CTNNA2: variants seen among roughly 807,000 people sequenced by gnomAD.
CTNNA2 encodes the protein catenin alpha 2.
A neutral mutation model predicts 101.0 loss-of-function variants in CTNNA2; 42 were observed. The observed-to-expected ratio is 0.42, with a 90% confidence interval of 0.32 to 0.54. The LOEUF (loss-of-function observed/expected upper bound fraction) is 0.54. Among genes scored for constraint, CTNNA2 ranks in the 20% least tolerant of loss-of-function variants. The probability of loss-of-function intolerance (pLI) is 0.14; values close to 1 mark genes in which losing one functional copy is unlikely to be tolerated. For synonymous variants in CTNNA2, 450 were observed against 456.4 expected (o/e 0.99, Z 0.18); for missense variants, 871 against 1,223.1 (o/e 0.71, Z 4.29).
intron 7 of CTNNA2, among the ~76,000 whole-genome samples, chr2:80,339,170 A>G (rs372466289): frequency 6.6e-6 from 1 of 151,950 alleles, no homozygotes; most frequent in Non-Finnish European, 1.5e-5. Flanking sequence ...CACTAATAAT[A>G]TAACGTGTGT....
At chr2:79,414,119 T>C (rs1678450514) in intron 4 of CTNNA2, among the ~76,000 whole-genome samples, 2 of 151,962 alleles carry the variant, frequency 1.3e-5, no homozygotes, top group African/African-American at 4.8e-5. Flanking sequence ...ACAGCCAGTA[T>C]GGTTAAGCAA....
intron 3 of CTNNA2, among the ~76,000 whole-genome samples, chr2:79,841,122 G>A (rs1038662573): frequency 2.0e-5 from 3 of 152,084 alleles, no homozygotes; most frequent in African/African-American, 4.8e-5. Flanking sequence ...TTGGAGACAG[G>A]GTCTTGCTCT....
intron 2 of CTNNA2, among the ~76,000 whole-genome samples, chr2:79,653,932 G>A (rs762295713): frequency 6.6e-6 from 1 of 151,972 alleles, no homozygotes; most frequent in Non-Finnish European, 1.5e-5. Flanking sequence ...CTTTTCTCCG[G>A]TTTCCAATAA....
At chr2:79,897,354 A>C (rs1376509279) in intron 6 of CTNNA2, among the ~76,000 whole-genome samples, 1 of 151,560 alleles carries the variant, frequency 6.6e-6, no homozygotes, top group Non-Finnish European at 1.5e-5. Context: ...AGATAAATTT[A>C]AAGTCTCGAT....
intron 6 of CTNNA2, among the ~76,000 whole-genome samples, chr2:79,908,811 C>T (rs1685595392): frequency 6.6e-6 from 1 of 152,186 alleles, no homozygotes; most frequent in African/African-American, 2.4e-5. Flanking sequence ...CCTATAAAGA[C>T]TGTTATAGCT....
chr2:79,348,611 G>T (rs1325912506), intron 3 of CTNNA2, among the ~76,000 whole-genome samples: 1 of 152,190 alleles, frequency 6.6e-6, no homozygotes, highest in East Asian at 1.9e-4. Flanking sequence ...TTGTGGTTAT[G>T]TGTCTGCTTC....
chr2:79,671,566 T>G (rs1021322957), intron 2 of CTNNA2, among the ~76,000 whole-genome samples: 2 of 152,232 alleles, frequency 1.3e-5, no homozygotes, highest in South Asian at 4.1e-4. Context: ...AACATGTATC[T>G]TTTGAAAAGG....
intron 7 of CTNNA2, chr2:80,288,418 G>C (rs1229480786): frequency 6.6e-6 from 1 of 152,196 alleles, no homozygotes; most frequent in African/African-American, 2.4e-5. Flanking sequence ...CAAACTGTCA[G>C]TGAAGGCATT....
At chr2:80,172,551 C>G (rs1240146066) in intron 7 of CTNNA2, among the ~76,000 whole-genome samples, 4 of 152,178 alleles carry the variant, frequency 2.6e-5, no homozygotes, top group African/African-American at 9.7e-5. Flanking sequence ...TTCAGAATCT[C>G]AGGCTACACC....
intron 6 of CTNNA2, among the ~76,000 whole-genome samples, chr2:79,898,668 TCTA>T (rs1274800928): frequency 2.0e-5 from 3 of 152,210 alleles, no homozygotes; most frequent in African/African-American, 7.2e-5. Flanking sequence ...TTGTTTCCCT[TCTA>T]CTTCCATTTT....
chr2:79,829,510 CAGTG>C (rs1205758266), intron 3 of CTNNA2, among the ~76,000 whole-genome samples: 7 of 151,166 alleles, frequency 4.6e-5, no homozygotes, highest in Admixed American at 2.6e-4. Flanking sequence ...ACAGAGGTTT[CAGTG>C]AGCTGAGATC....
chr2:80,452,107 A>T (rs976107163), intron 9 of CTNNA2, among the ~76,000 whole-genome samples: 2 of 152,198 alleles, frequency 1.3e-5, no homozygotes, highest in Non-Finnish European at 2.9e-5. Flanking sequence ...ACCATACCAC[A>T]AGATATTTAT....
At chr2:79,193,900 G>A (rs1044347998) in intron 1 of CTNNA2, among the ~76,000 whole-genome samples, 1 of 152,174 alleles carries the variant, frequency 6.6e-6, no homozygotes, top group African/African-American at 2.4e-5. Context: ...GATTAAGTGG[G>A]TTAATACATG....
intron 2 of CTNNA2, among the ~76,000 whole-genome samples, chr2:79,225,094 A>G (rs1674391845): frequency 6.6e-6 from 1 of 152,076 alleles, no homozygotes; most frequent in African/African-American, 2.4e-5. Flanking sequence ...ATTCGGCCAC[A>G]GGTCTTTTTG....
intron 2 of CTNNA2, among the ~76,000 whole-genome samples, chr2:79,733,221 C>T (rs1428215919): frequency 6.6e-6 from 1 of 152,076 alleles, no homozygotes; most frequent in African/African-American, 2.4e-5. Flanking sequence ...GTCATAATTG[C>T]TTATACCATC....
At chr2:79,699,021 T>G (rs1684821523) in intron 2 of CTNNA2, among the ~76,000 whole-genome samples, 1 of 152,074 alleles carries the variant, frequency 6.6e-6, no homozygotes, top group Admixed American at 6.6e-5. Flanking sequence ...TTTGGTGAAC[T>G]GATACATTTT....
At chr2:79,949,458 A>G (rs1036827838) in intron 7 of CTNNA2, among the ~76,000 whole-genome samples, 2 of 152,174 alleles carry the variant, frequency 1.3e-5, no homozygotes, top group African/African-American at 4.8e-5. Flanking sequence ...ATTTCAAGAA[A>G]ACGGGGTTCA....
chr2:80,504,226 T>G (rs1016420492), intron 9 of CTNNA2, among the ~76,000 whole-genome samples: 1 of 152,186 alleles, frequency 6.6e-6, no homozygotes, highest in Non-Finnish European at 1.5e-5. Context: ...AGAATGGATA[T>G]TTTCACTTTC....
intron 7 of CTNNA2, among the ~76,000 whole-genome samples, chr2:79,956,865 T>TTTTC (rs1689272280): frequency 2.4e-5 from 3 of 124,612 alleles, no homozygotes; most frequent in African/African-American, 8.9e-5. Flanking sequence ...TTTTTTTTTT[T>TTTTC]TTTCAGTGTA....
Sources: gnomAD v4.1 joint callset for allele counts (sites outside exome capture counted in the v4.1 genomes callset) on GRCh38, gnomAD v4.1.1 for gene constraint, MANE v1.5 for transcripts, NCBI Gene and HGNC (gene_info 2026-07-23, HGNC 2026-07-21) for gene names.